BMPR2: variants seen among roughly 807,000 people sequenced by gnomAD.
BMPR2 encodes bone morphogenetic protein receptor type 2, also known as bone morphogenetic protein receptor type-2.
In BMPR2, 29 loss-of-function variants were observed where a neutral mutation model predicts 100.8. The observed-to-expected ratio is 0.29, with a 90% CI of 0.21 to 0.39. The LOEUF is 0.39. Among genes scored for constraint, BMPR2 ranks in the 10% least tolerant of loss-of-function variants. The pLI is 1.00. For synonymous variants in BMPR2, 382 were observed against 442.3 expected (o/e 0.86, Z 1.71); for missense variants, 1,011 against 1,274.5 (o/e 0.79, Z 3.15).
chr2:202,454,932 G>T (rs1303303416), intron 1 of BMPR2, among the ~76,000 whole-genome samples: 1 of 152,140 alleles, frequency 6.6e-6, no homozygotes, highest in Non-Finnish European at 1.5e-5. Context: ...CCTGGTAAGG[G>T]CTCTATTCCT....
chr2:202,519,685 C>T (rs1319484174), intron 6 of BMPR2, among the ~76,000 whole-genome samples: 1 of 152,178 alleles, frequency 6.6e-6, no homozygotes, highest in African/African-American at 2.4e-5. Context: ...TAGATAAGCA[C>T]TTTGAGTGGC....
chr2:202,512,517 C>T (rs1440179363), intron 3 of BMPR2, among the ~76,000 whole-genome samples: 5 of 152,156 alleles, frequency 3.3e-5, no homozygotes, highest in African/African-American at 7.2e-5. Flanking sequence ...ATCATATCCT[C>T]CCAAGTTTTC....
rs1461588243 is a variant in BMPR2 at position 202,530,944 on chromosome 2, C to G, written c.1118C>G (p.Ala373Gly). Reference protein sequence around the residue: ...LVRPGEEDNAAISEVGTIRYM... With the variant: ...LVRPGEEDNAGISEVGTIRYM... ...CGCCCAGGGGAGGAAGATAATGCAG[C>G]CATAAGCGAGGTGAGTGTATACAAA... The change falls in exon 8 of 13, where the codon GCC (alanine) becomes GGC (glycine). Residue 373 changes from alanine (A) to glycine (G), a missense_variant. Physicochemically the swap from Ala to Gly is moderately conservative, Grantham distance 60. Coordinates refer to ENST00000374580, the MANE Select transcript of BMPR2 (RefSeq NM_001204.7). 4 of 1,613,954 alleles carry G rather than the reference C, an allele frequency of 2.5e-6. No homozygotes were observed.
chr2:202,412,443 C>T (rs1404391111), intron 1 of BMPR2, among the ~76,000 whole-genome samples: 2 of 152,056 alleles, frequency 1.3e-5, no homozygotes, highest in African/African-American at 2.4e-5. Context: ...CTCAGCCTCC[C>T]GAGTAGCTGG....
At chr2:202,527,829 T>TAAAA (rs1215765979) in intron 7 of BMPR2, among the ~76,000 whole-genome samples, 2 of 147,178 alleles carry the variant, frequency 1.4e-5, no homozygotes, top group African/African-American at 4.9e-5. Context: ...AATAAATAAA[T>TAAAA]AAAAAATATT....
chr2:202,479,264 C>T (rs1026494280), intron 3 of BMPR2, among the ~76,000 whole-genome samples: 1 of 152,132 alleles, frequency 6.6e-6, no homozygotes, highest in Non-Finnish European at 1.5e-5. Flanking sequence ...GGAACTGAGG[C>T]CCATAGTCCA....
intron 3 of BMPR2, among the ~76,000 whole-genome samples, chr2:202,494,333 AGT>A (rs779070293): frequency 6.6e-6 from 1 of 152,222 alleles, no homozygotes; most frequent in Non-Finnish European, 1.5e-5. Context: ...CATAACCACT[AGT>A]GTGTTATATT....
Position 202,495,377 on chromosome 2 carries a change from G to A in BMPR2, c.419-18342G>A, listed in dbSNP as rs896230564. Among the ~76,000 whole-genome samples, 6 of 152,206 alleles carry A rather than the reference G, an allele frequency of 3.9e-5. No individual in the cohort carries two copies. The highest frequency in any genetic ancestry group is 1.2e-4 in the African/African-American group (5 of 41,454). On this transcript the variant is annotated intron_variant, in intron 3 of 12. Coordinates refer to ENST00000374580, the MANE Select transcript of BMPR2 (RefSeq NM_001204.7). This position sits in a 1 kb window ranked among gnomAD's most constrained non-coding sequence, Gnocchi z 4.5. ...GTCTGCCCCAGCCAAACTCCGCGTCGTTGTCGTTCTGTCGACGGCCTGCCG... is the reference window on the plus strand; with the variant it reads ...GTCTGCCCCAGCCAAACTCCGCGTCATTGTCGTTCTGTCGACGGCCTGCCG...
intron 1 of BMPR2, among the ~76,000 whole-genome samples, chr2:202,386,684 C>CT (rs796610288): frequency 0.01 from 1,474 of 144,234 alleles, 16 homozygotes; most frequent in African/African-American, 0.026. Context: ...CTTTTCTTTT[C>CT]TTTTTTTTTT....
intron 1 of BMPR2, among the ~76,000 whole-genome samples, chr2:202,424,651 G>T (rs1221687735): frequency 6.6e-6 from 1 of 151,672 alleles, no homozygotes; most frequent in Non-Finnish European, 1.5e-5. Context: ...AGCTGAGATC[G>T]CTCCACTGCA....
In BMPR2 at chr2:202,503,123, C is replaced by T. The variant is rs1687435244; in HGVS notation, c.419-10596C>T. 1.3e-5 allele frequency among the ~76,000 whole-genome samples: 2 copies of T among 152,210 alleles called. No individual in the cohort carries two copies. Among genetic ancestry groups the T allele is most frequent in the South Asian group, 4.1e-4 (2 of 4,832 alleles). The stretch of plus-strand genomic sequence containing the variant: ...TACAACTGCAGAGCCCCTTCTTTGC[C>T]CCTATCCAGCAGGAAATAGCTAGAG... On this transcript the variant is annotated intron_variant, in intron 3 of 12. Coordinates refer to ENST00000374580, the MANE Select transcript of BMPR2 (RefSeq NM_001204.7). The surrounding 1 kb of genome is among the most constrained non-coding windows in gnomAD (Gnocchi z 4.0).
At chr2:202,540,601 A>G (rs989988039) in intron 9 of BMPR2, among the ~76,000 whole-genome samples, 1 of 152,308 alleles carries the variant, frequency 6.6e-6, no homozygotes, top group African/African-American at 2.4e-5. Context: ...GAGGGCAAGT[A>G]TTTATTAGTT....
chr2:202,542,233 A>G (rs1688290012), intron 9 of BMPR2, 78 bp from the exon 10 acceptor site: 2 of 1,549,372 alleles, frequency 1.3e-6, no homozygotes, highest in African/African-American at 1.4e-5. Context: ...CTTACTTGGT[A>G]TCAGAAATAC....
chr2:202,442,533 C>T (rs1203480944), intron 1 of BMPR2, among the ~76,000 whole-genome samples: 3 of 150,346 alleles, frequency 2.0e-5, no homozygotes, highest in South Asian at 2.1e-4. Context: ...TGTTATGCAA[C>T]AGATGCCCAG....
intron 7 of BMPR2, 26 bp downstream of exon 7, chr2:202,520,227 A>ACAC: frequency 6.6e-7 from 1 of 1,523,996 alleles, no homozygotes; most frequent in Non-Finnish European, 9.1e-7. Flanking sequence ...GATGAAATTG[A>ACAC]CACTCATGTG....
intron 1 of BMPR2, among the ~76,000 whole-genome samples, chr2:202,387,350 A>C (rs1186497834): frequency 6.6e-6 from 1 of 152,156 alleles, no homozygotes; most frequent in East Asian, 1.9e-4. Context: ...GTGTTATCTC[A>C]TTATCCTCTA....
At chr2:202,452,969 G>GT (rs1692017508) in intron 1 of BMPR2, among the ~76,000 whole-genome samples, 1 of 152,186 alleles carries the variant, frequency 6.6e-6, no homozygotes, top group Non-Finnish European at 1.5e-5. Context: ...GGCACTCCAG[G>GT]TAAAGAGAAC....
chr2:202,465,900 G>C (rs1263359337), intron 2 of BMPR2, among the ~76,000 whole-genome samples: 1 of 151,952 alleles, frequency 6.6e-6, no homozygotes, highest in Non-Finnish European at 1.5e-5. Context: ...TTCATATCCA[G>C]TTTTCTCCAC....
intron 1 of BMPR2, among the ~76,000 whole-genome samples, chr2:202,386,784 G>A (rs1004535806): frequency 6.6e-6 from 1 of 151,852 alleles, no homozygotes; most frequent in African/African-American, 2.4e-5. Flanking sequence ...GGATTCAAGT[G>A]ATTCTCCTGC....
Sources: allele counts gnomAD v4.1 joint callset (sites outside exome capture counted in the v4.1 genomes callset), GRCh38; gene constraint gnomAD v4.1.1; non-coding constraint Gnocchi (gnomAD v3.1); transcripts MANE v1.5; gene names NCBI Gene and HGNC (gene_info 2026-07-23, HGNC 2026-07-21).